Variants in XPO7 observed in about 807,000 individuals in gnomAD.
The protein encoded by XPO7 is exportin 7.
Under a neutral mutation model 144.3 loss-of-function variants are expected in XPO7, and 21 were observed. The observed-to-expected ratio is 0.15, with a 90% CI of 0.10 to 0.21. The LOEUF is 0.21. XPO7 is among the 10% of genes least tolerant of loss of function. The probability of loss-of-function intolerance (pLI) is 1.00; values close to 1 mark genes in which losing one functional copy is unlikely to be tolerated. For synonymous variants in XPO7, 580 were observed against 499.6 expected (o/e 1.16, Z -2.15); for missense variants, 808 against 1,325.8 (o/e 0.61, Z 6.06).
chr8:21,979,767 T>G (rs1309233898), intron 8 of XPO7, among the ~76,000 whole-genome samples: 1 of 152,148 alleles, frequency 6.6e-6, no homozygotes, highest in East Asian at 1.9e-4. Context: ...CATGTCAAAC[T>G]CAGATTAGCC....
chr8:21,995,085 T>C (rs879601018), intron 20 of XPO7, among the ~76,000 whole-genome samples: 1 of 147,828 alleles, frequency 6.8e-6, no homozygotes, highest in Non-Finnish European at 1.5e-5. Context: ...ATAATAATAA[T>C]AAACAGCTTT....
chr8:22,000,750 G>A (rs1170243962), intron 24 of XPO7, among the ~76,000 whole-genome samples: 1 of 152,130 alleles, frequency 6.6e-6, no homozygotes, highest in Non-Finnish European at 1.5e-5. Flanking sequence ...ACCGTGCCTG[G>A]CCCAACAATC....
Position 21,919,808 on chromosome 8 carries a change from G to C in XPO7, c.18+20G>C, listed in dbSNP as rs559915880. ...GTGCAGGTGAGAGGAGCCGCGGGGG[G>C]GAGGGGGCGACCACGAAGAGCGGCG... On this transcript the variant is annotated intron_variant, in intron 1 of 27. Coordinates refer to ENST00000252512, the MANE Select transcript of XPO7 (RefSeq NM_015024.5). 1 of 488,368 alleles carries C rather than the reference G, an allele frequency of 2.0e-6. No homozygotes were observed. Among genetic ancestry groups the C allele is most frequent in the Non-Finnish European group, 3.1e-6 (1 of 320,590 alleles). The allele number at this position is 488,368 out of a possible 1,614,324, so 30.3% of individuals were successfully genotyped here.
chr8:21,991,225 A>G (rs1167776056), intron 18 of XPO7, among the ~76,000 whole-genome samples: 1 of 152,164 alleles, frequency 6.6e-6, no homozygotes, highest in Middle Eastern at 3.2e-3. Flanking sequence ...TGGCCAGATA[A>G]CTTCTCCACC....
intron 1 of XPO7, among the ~76,000 whole-genome samples, chr8:21,943,185 C>G (rs1811050864): frequency 6.6e-6 from 1 of 152,314 alleles, no homozygotes; most frequent in Non-Finnish European, 1.5e-5. Context: ...TTCATATATT[C>G]TCACTAGCTG....
chr8:21,970,250 C>A lies in XPO7; in HGVS notation c.366C>A (p.Asp122Glu), dbSNP rs1196526461. 6.2e-7 allele frequency: 1 copy of A among 1,613,680 alleles called. No individual in the cohort carries two copies. The highest frequency in any genetic ancestry group is 8.5e-7 in the Non-Finnish European group (1 of 1,179,832). ...YARITKLGWF[D>E]CQKDDYVFRN... The stretch of plus-strand genomic sequence containing the variant: ...GAATCACAAAACTGGGCTGGTTTGA[C>A]TGTCAGAAGGATGACTATGTCTTCA... The change falls in exon 4 of 28, where the codon GAC becomes GAA. Residue 122 changes from aspartate (D) to glutamate (E), a missense_variant. Around this residue, in one of 5 missense-constraint regions of XPO7, gnomAD observed 223 missense variants for 368.8 expected, o/e 0.60. Coordinates refer to ENST00000252512, the MANE Select transcript of XPO7 (RefSeq NM_015024.5).
intron 15 of XPO7, chr8:21,988,275 G>A: frequency 5.5e-6 from 1 of 180,544 alleles, no homozygotes; most frequent in South Asian, 1.2e-4. Flanking sequence ...TTAAAAATGG[G>A]CTTATTCCTC....
intron 1 of XPO7, among the ~76,000 whole-genome samples, chr8:21,947,225 G>A (rs1811221715): frequency 6.6e-6 from 1 of 152,176 alleles, no homozygotes; most frequent in Admixed American, 6.5e-5. Flanking sequence ...GGATACAACT[G>A]ATGGGAGTTT....
intron 1 of XPO7, among the ~76,000 whole-genome samples, chr8:21,929,110 A>C (rs1314754070): frequency 6.6e-6 from 1 of 152,350 alleles, no homozygotes; most frequent in East Asian, 1.9e-4. Context: ...TGTACCAACC[A>C]CATTTCAAGT....
chr8:21,938,483 A>G (rs1563312921), intron 1 of XPO7, among the ~76,000 whole-genome samples: 1 of 152,200 alleles, frequency 6.6e-6, no homozygotes, highest in Non-Finnish European at 1.5e-5. Context: ...CTGGTATGCC[A>G]TGTGATGACT....
chr8:21,928,070 A>G (rs563124959), intron 1 of XPO7, among the ~76,000 whole-genome samples: 1 of 152,232 alleles, frequency 6.6e-6, no homozygotes, highest in Admixed American at 6.5e-5. Context: ...AAAATATGGA[A>G]CATTTCCTCT....
At chr8:21,990,288 G>A (rs917042394) in intron 16 of XPO7, 56 bp from the exon 17 acceptor site, 7 of 1,575,456 alleles carry the variant, frequency 4.4e-6, no homozygotes, top group Non-Finnish European at 6.1e-6. Flanking sequence ...GTTTCCATCT[G>A]CCTTAGAGTT....
chr8:21,966,452 T>C (rs1172049005), intron 1 of XPO7: 3 of 587,076 alleles, frequency 5.1e-6, no homozygotes, highest in East Asian at 5.9e-5. Flanking sequence ...GTGGTACTTA[T>C]ATCATGTTTA....
Position 21,970,327 on chromosome 8 carries a change from T to C in XPO7, c.426+17T>C, listed in dbSNP as rs780592988. 6.2e-7 allele frequency: 1 copy of C among 1,606,502 alleles called. No individual in the cohort carries two copies. The highest frequency in any genetic ancestry group is 1.1e-5 in the South Asian group (1 of 89,942). On this transcript the variant is annotated intron_variant, in intron 4 of 27. Coordinates refer to ENST00000252512, the MANE Select transcript of XPO7 (RefSeq NM_015024.5). Reference sequence around the variant, plus strand: ...TTTTTACAGGTACAGTGTATATATTTGATGTAATGGGAATGGGAGAACCAG... The same window carrying C: ...TTTTTACAGGTACAGTGTATATATTCGATGTAATGGGAATGGGAGAACCAG...
chr8:21,974,231 T>TG (rs78485226), intron 5 of XPO7, among the ~76,000 whole-genome samples: 46,052 of 151,612 alleles, frequency 0.3, 7,291 homozygotes, highest in East Asian at 0.42. Flanking sequence ...TTAGAGGTGG[T>TG]GGGGGGTCTC....
At chr8:21,985,768 A>T (rs1812558635) in intron 13 of XPO7, 77 bp downstream of exon 13, 1 of 1,290,656 alleles carries the variant, frequency 7.7e-7, no homozygotes, top group African/African-American at 1.5e-5. Flanking sequence ...CTCTCCACTT[A>T]CAGAACGTAA....
chr8:21,923,403 G>A (rs896755898), intron 1 of XPO7, among the ~76,000 whole-genome samples: 1 of 152,114 alleles, frequency 6.6e-6, no homozygotes, highest in African/African-American at 2.4e-5. Context: ...CTCCCACCCT[G>A]ATTATACCTC....
At chr8:22,000,280 A>C (rs185648067) in intron 24 of XPO7, among the ~76,000 whole-genome samples, 108 of 152,232 alleles carry the variant, frequency 7.1e-4, no homozygotes, top group African/African-American at 2.6e-3. Context: ...AAGCAGGAGC[A>C]AATCTGGAGA....
At chr8:21,939,093 A>C (rs1810909194) in intron 1 of XPO7, among the ~76,000 whole-genome samples, 1 of 152,204 alleles carries the variant, frequency 6.6e-6, no homozygotes, top group African/African-American at 2.4e-5. Context: ...AAATGAAATA[A>C]TTTAGTTTTT....
Sources: gnomAD v4.1 joint callset for allele counts (sites outside exome capture counted in the v4.1 genomes callset) on GRCh38, gnomAD v4.1.1 for gene constraint, gnomAD v4.1.1 regional missense constraint, MANE v1.5 for transcripts, NCBI Gene and HGNC (gene_info 2026-07-23, HGNC 2026-07-21) for gene names.